ALK: variants seen among roughly 807,000 people sequenced by gnomAD.
The protein encoded by ALK is ALK tyrosine kinase receptor.
Under a neutral mutation model 163.1 loss-of-function variants are expected in ALK, and 74 were observed. That is an observed-to-expected ratio of 0.45 (90% CI 0.38 to 0.55). The LOEUF (loss-of-function observed/expected upper bound fraction) is 0.55, where lower values mean the gene tolerates loss of function less well. ALK is among the 20% of genes least tolerant of loss of function. The probability of loss-of-function intolerance (pLI) is 0.00; values close to 1 mark genes in which losing one functional copy is unlikely to be tolerated. For synonymous variants in ALK, 960 were observed against 843.2 expected, an observed-to-expected ratio of 1.14 and a Z score of -2.40; for missense variants, 2,063 against 2,105.3, an observed-to-expected ratio of 0.98 and a Z score of 0.39.
intron 9 of ALK, among the ~76,000 whole-genome samples, chr2:29,291,186 G>A (rs576608974): frequency 2.2e-4 from 33 of 152,062 alleles, no homozygotes; most frequent in African/African-American, 7.5e-4. Context: ...AACATAGCAA[G>A]ACCCTGTCTG....
intron 4 of ALK, among the ~76,000 whole-genome samples, chr2:29,520,864 C>A (rs1672791213): frequency 2.0e-5 from 3 of 151,964 alleles, no homozygotes; most frequent in Admixed American, 2.0e-4. Flanking sequence ...CACAGGGATC[C>A]CCTAAAGGAT....
chr2:29,543,762 A>G (rs746894494), intron 3 of ALK, among the ~76,000 whole-genome samples: 1 of 152,158 alleles, frequency 6.6e-6, no homozygotes, highest in Non-Finnish European at 1.5e-5. Flanking sequence ...TTGTTTTTCC[A>G]TGGACAGCTT....
chr2:29,920,936 G>C lies in ALK; in HGVS notation c.-277C>G. ...TGGGACCTTGAGCCTCCCGCTCTCC[G>C]CGCCGAGTGCCGCGCCCCCGTCTGT... is the stretch of plus-strand genomic sequence containing the variant. On this transcript the variant is annotated 5_prime_UTR_variant, in exon 1 of 29. Coordinates refer to ENST00000389048, the MANE Select transcript of ALK (RefSeq NM_004304.5). 1 of 507,658 alleles carries C rather than the reference G, an allele frequency of 2.0e-6. No homozygotes were observed. The highest frequency in any genetic ancestry group is 3.5e-6 in the Non-Finnish European group (1 of 283,700). 31.4% of individuals were successfully genotyped at this position (507,658 alleles called of 1,614,324 possible).
At chr2:29,287,759 A>C (rs1475159896) in intron 9 of ALK, among the ~76,000 whole-genome samples, 2 of 151,356 alleles carry the variant, frequency 1.3e-5, no homozygotes, top group Non-Finnish European at 2.9e-5. Context: ...CCAAGGCCAG[A>C]GGAAAGGCCC....
At chr2:29,886,425 T>A (rs114751201) in intron 1 of ALK, among the ~76,000 whole-genome samples, 3 of 152,272 alleles carry the variant, frequency 2.0e-5, no homozygotes, top group Non-Finnish European at 4.4e-5. Context: ...GCATGTGTAG[T>A]ACCCTGGCCC....
chr2:29,865,138 T>C (rs1462402797), intron 1 of ALK, among the ~76,000 whole-genome samples: 1 of 152,220 alleles, frequency 6.6e-6, no homozygotes, highest in Admixed American at 6.5e-5. Context: ...TTCCCAACAT[T>C]GCCATGATCT....
In ALK at chr2:29,855,210, T is replaced by C. The variant is rs113683355; in HGVS notation, c.667+64783A>G. Among the ~76,000 whole-genome samples the C allele has an allele frequency of 4.7e-3, 718 of 152,346 alleles. 3 individuals are homozygous for C. Among genetic ancestry groups the C allele is most frequent in the African/African-American group, 0.016 (685 of 41,572 alleles). The stretch of plus-strand genomic sequence containing the variant: ...ACCCTGGCATTTCACATACATTATC[T>C]CATTTAATCTTCACAGCCTCCCTAT... On this transcript the variant is annotated intron_variant, in intron 1 of 28. Transcript: ENST00000389048.
chr2:29,215,830 A>G (rs907384374), intron 23 of ALK, among the ~76,000 whole-genome samples: 3 of 152,198 alleles, frequency 2.0e-5, no homozygotes, highest in African/African-American at 4.8e-5. Flanking sequence ...CTTCCAGGCC[A>G]TGTAGTCTGG....
rs1379732110 is a variant in ALK, at chr2:29,616,093, C to T, written c.952+78757G>A. On this transcript the variant is annotated intron_variant, in intron 3 of 28. Transcript: ENST00000389048. ...TCTGGTGAGGCCGACATCTCTACAGCGGACCTCACGGAGTCACAGCCAGGC... is the reference window on the plus strand; with the variant it reads ...TCTGGTGAGGCCGACATCTCTACAGTGGACCTCACGGAGTCACAGCCAGGC... Among the ~76,000 whole-genome samples the T allele has an allele frequency of 2.6e-5, 4 of 152,210 alleles. No homozygotes were observed. In the South Asian group the frequency reaches 6.2e-4, roughly 24 times the overall value.
At chr2:29,754,389 A>G (rs941060390) in intron 1 of ALK, among the ~76,000 whole-genome samples, 1 of 152,146 alleles carries the variant, frequency 6.6e-6, no homozygotes, top group African/African-American at 2.4e-5. Context: ...TTCACGAACT[A>G]GCATACCATA....
chr2:29,348,594 T>C (rs936798050), intron 5 of ALK, among the ~76,000 whole-genome samples: 5 of 152,238 alleles, frequency 3.3e-5, no homozygotes, highest in African/African-American at 7.2e-5. Context: ...AGGACACTGA[T>C]TGTTTATAGG....
At chr2:29,232,224 C>G (rs938974156) in intron 15 of ALK, 80 bp downstream of exon 15, 5 of 1,586,190 alleles carry the variant, frequency 3.2e-6, no homozygotes, top group Non-Finnish European at 4.3e-6. Context: ...ACTAAGATGC[C>G]CTCAGGCATG....
At position 29,863,273 on chromosome 2, in the gene ALK, T is replaced by C. The variant is rs980293738; in HGVS notation, c.667+56720A>G. Among the ~76,000 whole-genome samples, 4 of 152,084 alleles carry C rather than the reference T, an allele frequency of 2.6e-5. No homozygotes were observed. In the East Asian group the frequency reaches 7.7e-4, roughly 29 times the overall value. On this transcript the variant is annotated intron_variant, in intron 1 of 28. Transcript: ENST00000389048. The stretch of plus-strand genomic sequence containing the variant: ...GCAAAAACAGACAAAAGAGATGGCA[T>C]CAAATAAAAAGTTAAGCTGCTTCTA...
chr2:29,641,934 G>T (rs1347801186), intron 3 of ALK, among the ~76,000 whole-genome samples: 2 of 152,116 alleles, frequency 1.3e-5, no homozygotes, highest in African/African-American at 2.4e-5. Flanking sequence ...CCAAACCCAG[G>T]TATACATAAG....
chr2:29,497,331 C>T (rs1205875648), intron 4 of ALK, among the ~76,000 whole-genome samples: 1 of 152,136 alleles, frequency 6.6e-6, no homozygotes, highest in Non-Finnish European at 1.5e-5. Flanking sequence ...CACCAGAGCC[C>T]TGTGAATGTT....
At chr2:29,527,572 A>G (rs1441347390) in intron 4 of ALK, among the ~76,000 whole-genome samples, 1 of 152,070 alleles carries the variant, frequency 6.6e-6, no homozygotes, top group Non-Finnish European at 1.5e-5. Context: ...CAGTGGCATG[A>G]TCACAGTTTA....
At chr2:29,538,189 T>TGG (rs374825051) in intron 3 of ALK, among the ~76,000 whole-genome samples, 5 of 151,758 alleles carry the variant, frequency 3.3e-5, no homozygotes, top group African/African-American at 1.2e-4. Context: ...ACATGATATT[T>TGG]GGGGGGGGCA....
chr2:29,863,958 T>C (rs1020527069), intron 1 of ALK, among the ~76,000 whole-genome samples: 4 of 152,234 alleles, frequency 2.6e-5, no homozygotes, highest in Non-Finnish European at 5.9e-5. Context: ...CAACAGCCTG[T>C]CGTGCATCTA....
intron 1 of ALK, among the ~76,000 whole-genome samples, chr2:29,817,071 G>A (rs116193215): frequency 8.3e-4 from 127 of 152,280 alleles, no homozygotes; most frequent in African/African-American, 2.9e-3. Flanking sequence ...CAGAGGACAC[G>A]ATGGAAGCAT....
Sources: allele counts gnomAD v4.1 joint callset (sites outside exome capture counted in the v4.1 genomes callset), GRCh38; gene constraint gnomAD v4.1.1; transcripts MANE v1.5; gene names NCBI Gene and HGNC (gene_info 2026-07-23, HGNC 2026-07-21).